Variants in ASMTL observed in about 807,000 individuals in gnomAD.
ASMTL encodes probable bifunctional dTTP/UTP pyrophosphatase/methyltransferase protein.
ASMTL carries 57 observed loss-of-function variants against 60.3 expected under a neutral mutation model. The ratio of observed to expected loss-of-function variants is 0.95; its 90% CI spans 0.76 to 1.18. The LOEUF is 1.18. Ranked by LOEUF, ASMTL falls within the 50% of genes most tolerant of loss-of-function variation. ASMTL has a pLI of 0.00. For synonymous variants in ASMTL, 419 were observed against 373.0 expected, an observed-to-expected ratio of 1.12 and a Z score of -1.42; for missense variants, 981 against 852.6, an observed-to-expected ratio of 1.15 and a Z score of -1.88.
At position 1,438,015 on chromosome X, in the gene ASMTL, G is replaced by A. The variant is rs148681928; in HGVS notation, c.273+1082C>T. On this transcript the variant is annotated intron_variant, in intron 3 of 12. Transcript: ENST00000381317. ...AAGAAGGGGAAAATTTCAGCCGGGC[G>A]CGGTGGCTCACGCCTGTCATCCCAG... Among the ~76,000 whole-genome samples, 1,000 of 152,178 alleles carry A rather than the reference G, an allele frequency of 6.6e-3. 5 individuals are homozygous for A. The highest frequency in any genetic ancestry group is 0.022 in the African/African-American group (929 of 41,516).
intron 12 of ASMTL, among the ~76,000 whole-genome samples, chrX:1,404,645 G>A (rs1443791994): frequency 1.3e-5 from 2 of 151,108 alleles, no homozygotes; most frequent in Non-Finnish European, 2.9e-5. Context: ...ATGGATGCAT[G>A]GATGAGATGG....
intron 3 of ASMTL, among the ~76,000 whole-genome samples, chrX:1,438,215 G>A (rs1199982888): frequency 9.2e-5 from 14 of 152,120 alleles, no homozygotes; most frequent in East Asian, 5.8e-4. Flanking sequence ...CCCGGGAGGC[G>A]GAGGTCCCGG....
intron 3 of ASMTL, among the ~76,000 whole-genome samples, chrX:1,437,824 G>A (rs1424776674): frequency 1.3e-5 from 2 of 151,876 alleles, no homozygotes; most frequent in Non-Finnish European, 1.5e-5. Context: ...TGAAACCCGG[G>A]AGGCGGAGGT....
intron 1 of ASMTL, 64 bp from the exon 2 acceptor site, chrX:1,442,381 T>C (rs1480533465): frequency 3.2e-6 from 5 of 1,584,492 alleles, no homozygotes; most frequent in Non-Finnish European, 4.3e-6. Context: ...GAATGGGACA[T>C]GCAAGATTTG....
Position 1,416,922 on chromosome X carries a change from GCA to G in ASMTL, c.1522+1049_1522+1050del, listed in dbSNP as rs373198345. 4.5e-4 allele frequency among the ~76,000 whole-genome samples: 67 copies of G among 149,940 alleles called. 1 individual carries two copies. The highest frequency in any genetic ancestry group is 6.8e-4 in the Non-Finnish European group (46 of 67,348). On this transcript the variant is annotated intron_variant, in intron 11 of 12. Transcript: ENST00000381317. The stretch of plus-strand genomic sequence containing the variant: ...TCAGAGACATACACACCACAGAGGT[GCA>G]CACACACACACGGACTCAGACACAG...
At chrX:1,432,186 A>G in intron 6 of ASMTL, 83 bp downstream of exon 6, 1 of 1,191,344 alleles carries the variant, frequency 8.4e-7, no homozygotes, top group Non-Finnish European at 1.2e-6. Flanking sequence ...TTCTTTCCCA[A>G]AGGCTGGGTG....
At chrX:1,428,207 G>A (rs2090667756) in intron 6 of ASMTL, 86 bp from the exon 7 acceptor site, 2 of 1,487,348 alleles carry the variant, frequency 1.3e-6, no homozygotes, top group African/African-American at 1.4e-5. Flanking sequence ...GCGGAGGTGG[G>A]TGGATCACGA....
At chrX:1,427,651 A>C (rs1419139256) in intron 7 of ASMTL, 83 bp downstream of exon 7, 2 of 1,428,402 alleles carry the variant, frequency 1.4e-6, no homozygotes, top group Non-Finnish European at 1.9e-6. Flanking sequence ...CCTCCAGGAC[A>C]GTGAGAAGTA....
intron 11 of ASMTL, among the ~76,000 whole-genome samples, chrX:1,416,397 A>G (rs2090264406): frequency 7.8e-6 from 1 of 128,240 alleles, no homozygotes; most frequent in African/African-American, 2.7e-5. Context: ...ACACACACAC[A>G]CGGACATACA....
chrX:1,450,816 CA>C (rs2091350576), intron 1 of ASMTL, among the ~76,000 whole-genome samples: 1 of 145,774 alleles, frequency 6.9e-6, no homozygotes, highest in African/African-American at 2.6e-5. Context: ...TTTCCCCACC[CA>C]CATCCCTAGG....
chrX:1,422,768 A>G (rs2090516034), intron 8 of ASMTL, among the ~76,000 whole-genome samples: 5 of 152,088 alleles, frequency 3.3e-5, no homozygotes, highest in Admixed American at 2.6e-4. Context: ...AGTCAGATAG[A>G]TGACATTTAT....
chrX:1,430,451 C>T (rs1157257795), intron 6 of ASMTL, among the ~76,000 whole-genome samples: 15 of 151,976 alleles, frequency 9.9e-5, no homozygotes, highest in Admixed American at 2.6e-4. Flanking sequence ...ATATATATTA[C>T]GCAGACTCCA....
chrX:1,403,400 G>C lies in ASMTL; in HGVS notation c.1735C>G (p.Gln579Glu). Residue 579 changes from glutamine to glutamate, a missense_variant, in exon 13 of 13, where the codon CAG becomes GAG. Physicochemically the swap from Gln to Glu is conservative, Grantham distance 29 (BLOSUM62 2). Transcript: ENST00000381317. Reference protein sequence around the residue: ...ALMQSLNMLVQTEGKERSLGE... With the variant: ...ALMQSLNMLVETEGKERSLGE... ...AGGCTCCGCTCCTTGCCTTCAGTCT[G>C]CACCAGCATGTTCAGTGACTGCATC... The C allele has an allele frequency of 6.2e-7, 1 of 1,613,458 alleles. No homozygotes were observed. The highest frequency in any genetic ancestry group is 1.1e-5 in the South Asian group (1 of 91,084).
chrX:1,431,877 C>A, intron 6 of ASMTL: 1 of 213,598 alleles, frequency 4.7e-6, no homozygotes, highest in Non-Finnish European at 9.4e-6. Context: ...GTGGACGGGA[C>A]GACAGGTAGA....
At chrX:1,416,052 C>T (rs770054727) in intron 11 of ASMTL, among the ~76,000 whole-genome samples, 30 of 150,154 alleles carry the variant, frequency 2.0e-4, no homozygotes, top group African/African-American at 1.2e-4. Context: ...CAGGCACACG[C>T]GCACAGAGAC....
chrX:1,412,966 G>T (rs1603450527), intron 11 of ASMTL, 112 bp from the exon 12 acceptor site: 2 of 1,125,846 alleles, frequency 1.8e-6, no homozygotes, highest in Non-Finnish European at 2.6e-6. Flanking sequence ...AGAAGAGAGG[G>T]GTGTGGGCGG....
intron 7 of ASMTL, among the ~76,000 whole-genome samples, chrX:1,427,139 C>T (rs1356325695): frequency 7.9e-5 from 12 of 151,716 alleles, no homozygotes; most frequent in African/African-American, 2.9e-4. Flanking sequence ...GAGACACAGA[C>T]ACAGAGGAGA....
rs187692903 is a variant in ASMTL, at chrX:1,451,338, C to G, written c.93+1410G>C. 1.6e-3 allele frequency among the ~76,000 whole-genome samples: 231 copies of G among 144,470 alleles called. 1 individual carries two copies. The highest frequency in any genetic ancestry group is 5.7e-3 in the African/African-American group (220 of 38,624). The allele number at this position is 144,470 out of a possible 152,430, so 94.8% of individuals were successfully genotyped here. On this transcript the variant is annotated intron_variant, in intron 1 of 12. Transcript: ENST00000381317. Reference sequence around the variant, plus strand: ...CATCCCTAGGTGGTCCTGGGTCACTCTCCCCTCCCCATTCCTTGGGGGTCC... The same window carrying G: ...CATCCCTAGGTGGTCCTGGGTCACTGTCCCCTCCCCATTCCTTGGGGGTCC...
chrX:1,428,126 G>T lies in ASMTL; in HGVS notation c.510-5C>A, dbSNP rs774862930. The T allele has an allele frequency of 5.9e-5, 94 of 1,598,572 alleles. No individual in the cohort carries two copies. The highest frequency in any genetic ancestry group is 7.9e-5 in the Non-Finnish European group (92 of 1,168,754). On this transcript the variant is annotated splice_region_variant and splice_polypyrimidine_tract_variant and intron_variant, in intron 6 of 12. Coordinates refer to ENST00000381317, the MANE Select transcript of ASMTL (RefSeq NM_004192.4). ...CCGTAGCCGCCAGCTTTGTCCCTGG[G>T]TGGGCAGGGGAAGGTAAGAGGTGAC... is the stretch of plus-strand genomic sequence containing the variant.
Sources: allele counts gnomAD v4.1 joint callset (sites outside exome capture counted in the v4.1 genomes callset), GRCh38; gene constraint gnomAD v4.1.1; transcripts MANE v1.5; gene names NCBI Gene and HGNC (gene_info 2026-07-23, HGNC 2026-07-21).